The following TMEM132D variants were observed in gnomAD, a reference collection of about 807,000 sequenced individuals.
TMEM132D encodes transmembrane protein 132D.
In TMEM132D, 21 loss-of-function variants were observed where a neutral mutation model predicts 62.3. The observed-to-expected ratio is 0.34, with a 90% CI of 0.24 to 0.49. TMEM132D has a LOEUF of 0.49. Ranked by LOEUF, TMEM132D falls within the 20% of genes least tolerant of loss-of-function variation. TMEM132D has a pLI of 0.99. For synonymous variants in TMEM132D, 621 were observed against 575.6 expected (o/e 1.08, Z -1.13); for missense variants, 1,346 against 1,402.8 (o/e 0.96, Z 0.65).
At chr12:129,891,350 A>G (rs1874917294) in intron 1 of TMEM132D, among the ~76,000 whole-genome samples, 1 of 152,168 alleles carries the variant, frequency 6.6e-6, no homozygotes, top group Admixed American at 6.5e-5. Context: ...CCACACTTTG[A>G]CCAAAACAGA....
At chr12:129,626,942 A>T (rs1010080416) in intron 2 of TMEM132D, among the ~76,000 whole-genome samples, 1 of 152,154 alleles carries the variant, frequency 6.6e-6, no homozygotes, top group Non-Finnish European at 1.5e-5. Flanking sequence ...ACTGATTTTT[A>T]ATGTGGATAC....
intron 2 of TMEM132D, among the ~76,000 whole-genome samples, chr12:129,624,066 T>C (rs565408727): frequency 2.0e-5 from 3 of 152,296 alleles, no homozygotes; most frequent in South Asian, 4.1e-4. Flanking sequence ...AATACATGAG[T>C]GACTTAGTCA....
intron 3 of TMEM132D, among the ~76,000 whole-genome samples, chr12:129,497,251 T>G (rs868685628): frequency 2.5e-4 from 38 of 152,088 alleles, no homozygotes; most frequent in African/African-American, 8.7e-4. Flanking sequence ...GAGGTTGTAG[T>G]GGGCTGAGAT....
At chr12:129,770,560 AG>A (rs1870709971) in intron 1 of TMEM132D, among the ~76,000 whole-genome samples, 1 of 152,208 alleles carries the variant, frequency 6.6e-6, no homozygotes, top group Non-Finnish European at 1.5e-5. Flanking sequence ...ACTGAGAATC[AG>A]GGAAATACAG....
chr12:129,232,601 AC>A (rs1485461962), intron 4 of TMEM132D, among the ~76,000 whole-genome samples: 2 of 152,088 alleles, frequency 1.3e-5, no homozygotes, highest in African/African-American at 4.8e-5. Flanking sequence ...TTCTGTGACC[AC>A]CGAACGATTA....
In TMEM132D at chr12:129,700,057, T is replaced by C. The variant is rs2137225909; in HGVS notation, c.721A>G (p.Arg241Gly). The change falls in exon 2 of 9, where the codon AGG becomes GGG. Residue 241 changes from arginine to glycine, a missense_variant. Transcript: ENST00000422113. ...CCATTGCTTCTCCTCGCGTCTTCCC[T>C]GACGCAGTCCCCTCTCTCACCCCCT... is the stretch of plus-strand genomic sequence containing the variant. ...HPGGERGDCV[R>G]EDARRSNGIR... The C allele has an allele frequency of 6.2e-7, 1 of 1,613,874 alleles. No individual in the cohort carries two copies. The highest frequency in any genetic ancestry group is 2.2e-5 in the East Asian group (1 of 44,850).
chr12:129,721,465 C>A (rs10847928), intron 1 of TMEM132D, among the ~76,000 whole-genome samples: 8 of 151,760 alleles, frequency 5.3e-5, no homozygotes, highest in African/African-American at 1.9e-4. Flanking sequence ...CTGCCCAGAA[C>A]GGGGAAGCTT....
intron 4 of TMEM132D, among the ~76,000 whole-genome samples, chr12:129,236,528 A>AAAG (rs1224978347): frequency 2.7e-5 from 4 of 148,098 alleles, no homozygotes; most frequent in African/African-American, 1.1e-4. Context: ...AAAAAAAAAA[A>AAAG]AAAGAAAAAA....
chr12:129,662,246 C>G (rs1422002353), intron 2 of TMEM132D, among the ~76,000 whole-genome samples: 2 of 152,148 alleles, frequency 1.3e-5, no homozygotes, highest in African/African-American at 4.8e-5. Flanking sequence ...GAAGATAGAA[C>G]AAACTCACAT....
At chr12:129,655,948 C>T (rs527779197) in intron 2 of TMEM132D, among the ~76,000 whole-genome samples, 1 of 152,184 alleles carries the variant, frequency 6.6e-6, no homozygotes, top group Non-Finnish European at 1.5e-5. Flanking sequence ...AGTGACCAAA[C>T]TTCTCTTTCG....
At chr12:129,242,809 G>A (rs1259133755) in intron 4 of TMEM132D, among the ~76,000 whole-genome samples, 1 of 90,608 alleles carries the variant, frequency 1.1e-5, no homozygotes, top group African/African-American at 3.9e-5. Flanking sequence ...TTCTAATGAA[G>A]TCCACTGATA....
At chr12:129,095,306 G>T (rs900448623) in intron 5 of TMEM132D, among the ~76,000 whole-genome samples, 3 of 150,206 alleles carry the variant, frequency 2.0e-5, no homozygotes, top group Non-Finnish European at 4.4e-5. Flanking sequence ...TAAAAATGAG[G>T]TCACTAACAT....
At chr12:129,194,413 C>T (rs1293087284) in intron 5 of TMEM132D, among the ~76,000 whole-genome samples, 2 of 152,144 alleles carry the variant, frequency 1.3e-5, no homozygotes, top group Non-Finnish European at 2.9e-5. Flanking sequence ...ACTATAAGAA[C>T]TTATGAACAC....
intron 3 of TMEM132D, among the ~76,000 whole-genome samples, chr12:129,508,291 ATATCT>A (rs1268706617): frequency 4.6e-5 from 7 of 152,334 alleles, no homozygotes; most frequent in Non-Finnish European, 1.0e-4. Context: ...CATGGAAGAA[ATATCT>A]TATTAAAAAA....
chr12:129,313,797 T>C (rs756939178), intron 4 of TMEM132D, among the ~76,000 whole-genome samples: 3 of 152,176 alleles, frequency 2.0e-5, no homozygotes, highest in East Asian at 3.8e-4. Context: ...CTGTGTTCCA[T>C]TGTGGCTGTA....
chr12:129,474,092 G>A lies in TMEM132D; in HGVS notation c.1115+56967C>T, dbSNP rs1043780693. Among the ~76,000 whole-genome samples, 25 of 152,212 alleles carry A rather than the reference G, an allele frequency of 1.6e-4. 1 individual carries two copies. Among genetic ancestry groups the A allele is most frequent in the African/African-American group, 5.1e-4 (21 of 41,536 alleles). ...CTCCTTTCTGTAACCCTTCGCCTCC[G>A]AATAGTTCCAATATCTGCATTAATT... On this transcript the variant is annotated intron_variant, in intron 3 of 8. Coordinates refer to ENST00000422113, the MANE Select transcript of TMEM132D (RefSeq NM_133448.3).
At chr12:129,234,113 C>T (rs142689847) in intron 4 of TMEM132D, among the ~76,000 whole-genome samples, 1 of 152,096 alleles carries the variant, frequency 6.6e-6, no homozygotes, top group East Asian at 1.9e-4. Context: ...TAGAAGTTGA[C>T]ATTTAGAAAA....
intron 4 of TMEM132D, among the ~76,000 whole-genome samples, chr12:129,313,333 C>T (rs1028020852): frequency 6.6e-6 from 1 of 152,100 alleles, no homozygotes; most frequent in Admixed American, 6.5e-5. Context: ...CTACTCTTCC[C>T]ATAATCCTCA....
At chr12:129,693,128 G>A (rs141235587) in intron 2 of TMEM132D, among the ~76,000 whole-genome samples, 42 of 152,216 alleles carry the variant, frequency 2.8e-4, no homozygotes, top group Admixed American at 2.7e-3. Flanking sequence ...TATAGGTGAC[G>A]TCGTACTGAA....
Sources: allele counts gnomAD v4.1 joint callset (sites outside exome capture counted in the v4.1 genomes callset), GRCh38; gene constraint gnomAD v4.1.1; transcripts MANE v1.5; gene names NCBI Gene and HGNC (gene_info 2026-07-23, HGNC 2026-07-21).